The following PCDH7 variants were observed in gnomAD, a reference collection of about 807,000 sequenced individuals.
PCDH7 encodes protocadherin-7.
Under a neutral mutation model 58.9 loss-of-function variants are expected in PCDH7, and 17 were observed. The observed-to-expected ratio is 0.29, with a 90% confidence interval of 0.20 to 0.43. The LOEUF (loss-of-function observed/expected upper bound fraction) is 0.43. Among genes scored for constraint, PCDH7 ranks in the 20% least tolerant of loss-of-function variants. The pLI is 1.00. For missense variants in PCDH7, 1,274 were observed against 1,441.0 expected, an observed-to-expected ratio of 0.88 and a Z score of 1.88; for synonymous variants, 664 against 616.4, an observed-to-expected ratio of 1.08 and a Z score of -1.14.
At chr4:30,989,085 T>C (rs1270690725) in intron 3 of PCDH7, among the ~76,000 whole-genome samples, 1 of 152,196 alleles carries the variant, frequency 6.6e-6, no homozygotes, top group South Asian at 2.1e-4. Flanking sequence ...AAAAATGTTT[T>C]ATGTGAAGAC....
exon 2 of PCDH7, chr4:30,920,164 A>C: frequency 7.3e-7 from 1 of 1,367,510 alleles, no homozygotes. Context: ...CATTTCGTAG[A>C]GTGACGTTTT....
intron 3 of PCDH7, among the ~76,000 whole-genome samples, chr4:31,128,359 T>A (rs1335518539): frequency 1.3e-5 from 2 of 152,104 alleles, no homozygotes; most frequent in African/African-American, 4.8e-5. Flanking sequence ...ATGAGGCAGA[T>A]AAAATTTGTC....
At chr4:30,943,225 C>A (rs529904461) in intron 2 of PCDH7, among the ~76,000 whole-genome samples, 1 of 152,170 alleles carries the variant, frequency 6.6e-6, no homozygotes, top group Admixed American at 6.6e-5. Context: ...CTTCAGTCCT[C>A]TCTTCACCAC....
chr4:30,761,760 G>T (rs895310644), intron 1 of PCDH7, among the ~76,000 whole-genome samples: 1 of 152,104 alleles, frequency 6.6e-6, no homozygotes, highest in Non-Finnish European at 1.5e-5. Context: ...ATTTTGTGTT[G>T]TCATGTGCTA....
At chr4:30,761,222 A>T (rs969159746) in intron 1 of PCDH7, among the ~76,000 whole-genome samples, 1 of 152,178 alleles carries the variant, frequency 6.6e-6, no homozygotes, top group African/African-American at 2.4e-5. Flanking sequence ...CCTGCAAAAG[A>T]TTCACTAACA....
chr4:30,836,912 A>T (rs1730549048), intron 1 of PCDH7, among the ~76,000 whole-genome samples: 1 of 152,270 alleles, frequency 6.6e-6, no homozygotes, highest in South Asian at 2.1e-4. Context: ...AGAGTTCATT[A>T]TCACCGACTC....
At chr4:31,054,207 C>T (rs1311064954) in intron 3 of PCDH7, among the ~76,000 whole-genome samples, 1 of 152,160 alleles carries the variant, frequency 6.6e-6, no homozygotes, top group Non-Finnish European at 1.5e-5. Flanking sequence ...CTCAAGCAAT[C>T]CACCTGCCTC....
intron 1 of PCDH7, among the ~76,000 whole-genome samples, chr4:30,858,814 T>A (rs2109352497): frequency 6.6e-6 from 1 of 152,248 alleles, no homozygotes; most frequent in East Asian, 1.9e-4. Flanking sequence ...CTTTTTTTTT[T>A]AAACTTAAGT....
intron 3 of PCDH7, among the ~76,000 whole-genome samples, chr4:31,032,679 GGAGGGAGGGAGGGAGGGAGGGAGGGAGA>G: frequency 1.0e-5 from 1 of 97,094 alleles, no homozygotes; most frequent in Non-Finnish European, 2.4e-5. Flanking sequence ...AGGGAGGGAG[GGAGGGAGGGAGGGAGGGAGGGAGGGAGA>G]GAGGGAGGGA....
chr4:30,845,887 T>TA (rs1341686186), intron 1 of PCDH7, among the ~76,000 whole-genome samples: 5 of 152,234 alleles, frequency 3.3e-5, no homozygotes, highest in African/African-American at 1.2e-4. Context: ...ACCACCACAC[T>TA]TGGCCTCTCT....
intron 3 of PCDH7, among the ~76,000 whole-genome samples, chr4:31,065,850 A>G (rs1281600898): frequency 6.6e-6 from 1 of 151,430 alleles, no homozygotes; most frequent in Non-Finnish European, 1.5e-5. Flanking sequence ...TGGAACCAGG[A>G]AAAAAAAATT....
intron 3 of PCDH7, among the ~76,000 whole-genome samples, chr4:31,101,775 A>G (rs930306924): frequency 2.0e-5 from 3 of 152,224 alleles, no homozygotes; most frequent in African/African-American, 7.2e-5. Context: ...TATAGTTTTT[A>G]TAAATGCAAG....
chr4:30,958,318 T>G (rs1209101473), intron 3 of PCDH7, among the ~76,000 whole-genome samples: 1 of 152,048 alleles, frequency 6.6e-6, no homozygotes, highest in Admixed American at 6.6e-5. Flanking sequence ...ATATATTTCG[T>G]GGATATATGA....
intron 3 of PCDH7, among the ~76,000 whole-genome samples, chr4:30,969,522 G>A (rs1749362585): frequency 6.6e-6 from 1 of 152,118 alleles, no homozygotes; most frequent in Non-Finnish European, 1.5e-5. Flanking sequence ...ATGAAACAAG[G>A]ATTAATGAAA....
chr4:30,859,567 G>C (rs941239360), intron 1 of PCDH7, among the ~76,000 whole-genome samples: 1 of 151,752 alleles, frequency 6.6e-6, no homozygotes, highest in Non-Finnish European at 1.5e-5. Context: ...AGCCTCCCGA[G>C]TAGCTGGGAT....
intron 1 of PCDH7, among the ~76,000 whole-genome samples, chr4:30,869,966 G>A (rs1479208643): frequency 2.0e-5 from 3 of 152,044 alleles, no homozygotes; most frequent in African/African-American, 4.8e-5. Flanking sequence ...ATTTTTTAAC[G>A]ATCGCCATTC....
intron 3 of PCDH7, among the ~76,000 whole-genome samples, chr4:31,082,017 AC>A (rs1200075872): frequency 2.6e-5 from 4 of 151,992 alleles, no homozygotes; most frequent in Admixed American, 6.6e-5. Context: ...CGAACTCCTG[AC>A]CTCGCGATCT....
intron 1 of PCDH7, among the ~76,000 whole-genome samples, chr4:30,845,893 T>A (rs1339975178): frequency 3.3e-5 from 5 of 152,184 alleles, no homozygotes; most frequent in African/African-American, 1.2e-4. Context: ...ACACTTGGCC[T>A]CTCTATTCTT....
intron 2 of PCDH7, among the ~76,000 whole-genome samples, chr4:30,942,888 T>G (rs942627904): frequency 1.6e-5 from 2 of 124,892 alleles, no homozygotes; most frequent in Non-Finnish European, 3.4e-5. Context: ...ATTTCTGTCT[T>G]GAGTAAGTGT....
Sources: allele counts gnomAD v4.1 joint callset (sites outside exome capture counted in the v4.1 genomes callset), GRCh38; gene constraint gnomAD v4.1.1; transcripts MANE v1.5; gene names NCBI Gene and HGNC (gene_info 2026-07-23, HGNC 2026-07-21).